Variants in UGT2A1 observed in about 807,000 individuals in gnomAD.
The protein encoded by UGT2A1 is UDP-glucuronosyltransferase 2A1.
In UGT2A1, 61 loss-of-function variants were observed where a neutral mutation model predicts 45.4. That is an observed-to-expected ratio of 1.34 (90% confidence interval 1.09 to 1.66). The LOEUF (loss-of-function observed/expected upper bound fraction) is 1.66. Ranked by LOEUF, UGT2A1 falls within the 40% of genes most tolerant of loss-of-function variation. The probability of loss-of-function intolerance (pLI) is 0.00; values close to 1 mark genes in which losing one functional copy is unlikely to be tolerated. For missense variants in UGT2A1, 649 were observed against 574.3 expected (o/e 1.13, Z -1.33); for synonymous variants, 229 against 196.2 (o/e 1.17, Z -1.40).
intron 3 of UGT2A1, among the ~76,000 whole-genome samples, chr4:69,615,276 A>T (rs554311890): frequency 6.6e-6 from 1 of 152,160 alleles, no homozygotes; most frequent in African/African-American, 2.4e-5. Context: ...TTAAAACCCG[A>T]AACTTTGAGG....
intron 2 of UGT2A1, among the ~76,000 whole-genome samples, chr4:69,646,079 C>T (rs1722245908): frequency 6.6e-6 from 1 of 151,800 alleles, no homozygotes; most frequent in African/African-American, 2.4e-5. Context: ...TCCATATTTA[C>T]ATAATTCACA....
At chr4:69,645,010 T>G (rs1722191882) in intron 2 of UGT2A1, among the ~76,000 whole-genome samples, 1 of 151,744 alleles carries the variant, frequency 6.6e-6, no homozygotes, top group Admixed American at 6.6e-5. Flanking sequence ...CGCAACCCAC[T>G]GTTTTACACA....
At chr4:69,653,068 T>C (rs1298053475) in intron 1 of UGT2A1, 120 bp downstream of exon 1, 1 of 152,186 alleles carries the variant, frequency 6.6e-6, no homozygotes, top group Non-Finnish European at 1.5e-5. Flanking sequence ...GGGTAAGCAA[T>C]GAAACAAACC....
chr4:69,608,534 T>C (rs1392437252), intron 3 of UGT2A1, among the ~76,000 whole-genome samples: 1 of 151,574 alleles, frequency 6.6e-6, no homozygotes, highest in South Asian at 2.1e-4. Context: ...CTGCACGTTG[T>C]GTACATGTAC....
chr4:69,638,542 G>A (rs371890211), intron 2 of UGT2A1, among the ~76,000 whole-genome samples: 9 of 152,046 alleles, frequency 5.9e-5, no homozygotes, highest in African/African-American at 2.2e-4. Flanking sequence ...AAGGAGGCAT[G>A]GTAAATCATG....
intron 3 of UGT2A1, among the ~76,000 whole-genome samples, chr4:69,628,683 G>T (rs886532218): frequency 2.1e-5 from 3 of 145,042 alleles, no homozygotes; most frequent in Admixed American, 7.1e-5. Context: ...TTAAATGGGA[G>T]AAAAAAATAA....
At chr4:69,639,314 A>G (rs1215300942) in intron 2 of UGT2A1, 1 of 1,613,726 alleles carries the variant, frequency 6.2e-7, no homozygotes, top group Non-Finnish European at 8.5e-7. Flanking sequence ...TTGTGAGAGG[A>G]GTTGGTCTAT....
In UGT2A1 at chr4:69,594,608, A is replaced by C. The variant is rs1462381312; in HGVS notation, c.1173T>G (p.Val391=). ...AIYHGVPMVG[V]PMFADQPDNI... ...TATCAGGCTGATCAGCAAACATGGG[A>C]ACTCCCACCATAGGGACTCCGTGGT... Residue 391 remains valine, a synonymous_variant, in exon 6 of 7, where the codon GTT becomes GTG. Coordinates refer to ENST00000286604, the MANE Select transcript of UGT2A1 (RefSeq NM_001252275.3). 1.2e-6 allele frequency: 2 copies of C among 1,613,994 alleles called. No homozygotes were observed. The highest frequency in any genetic ancestry group is 1.7e-6 in the Non-Finnish European group (2 of 1,180,042).
chr4:69,612,112 C>T (rs1397596249), intron 3 of UGT2A1, among the ~76,000 whole-genome samples: 1 of 151,988 alleles, frequency 6.6e-6, no homozygotes, highest in Non-Finnish European at 1.5e-5. Context: ...TCCCACAGAT[C>T]AAATTCCAAG....
chr4:69,599,623 G>T, intron 3 of UGT2A1: 1 of 475,464 alleles, frequency 2.1e-6, no homozygotes, highest in Non-Finnish European at 3.4e-6. Flanking sequence ...GAGGAAGGCA[G>T]GCAAGCAGGG....
intron 3 of UGT2A1, among the ~76,000 whole-genome samples, chr4:69,631,318 A>ATC (rs35582043): frequency 0.79 from 120,582 of 151,802 alleles, 48,029 homozygotes; most frequent in South Asian, 0.86. Context: ...CTTAATTTTT[A>ATC]TGTTTTTATT....
intron 6 of UGT2A1, among the ~76,000 whole-genome samples, chr4:69,593,590 C>T (rs968409112): frequency 2.6e-5 from 4 of 151,214 alleles, no homozygotes; most frequent in Non-Finnish European, 4.4e-5. Flanking sequence ...GCTATGTATA[C>T]ATAACTCAAT....
chr4:69,590,045 G>A (rs1718499877), intron 6 of UGT2A1, among the ~76,000 whole-genome samples: 1 of 152,192 alleles, frequency 6.6e-6, no homozygotes, highest in Non-Finnish European at 1.5e-5. Context: ...ATCCTCTAGT[G>A]TCTGGCTAGT....
chr4:69,605,529 T>A lies in UGT2A1; in HGVS notation c.848-6135A>T, dbSNP rs1054225724. ...TGAAAGAACTAGAGAAGCAAGAGCA[T>A]AACACATTCAAGACCTAGCAGAAGG... is the stretch of plus-strand genomic sequence containing the variant. On this transcript the variant is annotated intron_variant, in intron 3 of 6. Transcript: ENST00000286604. Among the ~76,000 whole-genome samples, 3 of 134,706 alleles carry A rather than the reference T, an allele frequency of 2.2e-5. 1 individual carries two copies. The South Asian group carries it at 7.3e-4, about 33-fold the overall frequency. 88.4% of individuals were successfully genotyped at this position (134,706 alleles called of 152,430 possible). A position where few individuals can be genotyped will look rare whatever the true frequency, so the allele number is the denominator to read the frequency against.
In UGT2A1 at chr4:69,594,577, C is replaced by A. The variant is rs761325918; in HGVS notation, c.1204G>T (p.Ala402Ser). The change falls in exon 6 of 7, where the codon GCT (alanine) becomes TCT (serine). Residue 402 changes from alanine (A) to serine (S), a missense_variant. By Grantham distance (99) the Ala-to-Ser change is moderately conservative. Coordinates refer to ENST00000286604, the MANE Select transcript of UGT2A1 (RefSeq NM_001252275.3). ...GCTGCTCCTTTGGCCTTCATGTGAG[C>A]AATGTTATCAGGCTGATCAGCAAAC... is the stretch of plus-strand genomic sequence containing the variant. ...PMFADQPDNI[A>S]HMKAKGAAVE... The A allele has an allele frequency of 6.2e-7, 1 of 1,614,100 alleles. No individual in the cohort carries two copies. The highest frequency in any genetic ancestry group is 8.5e-7 in the Non-Finnish European group (1 of 1,180,036).
At chr4:69,629,325 G>A (rs140293757) in intron 3 of UGT2A1, among the ~76,000 whole-genome samples, 6 of 152,080 alleles carry the variant, frequency 3.9e-5, no homozygotes, top group African/African-American at 7.2e-5. Flanking sequence ...TTCTCAACTT[G>A]TACATTCCCA....
rs117810106 is a variant in UGT2A1 at position 69,649,423 on chromosome 4, A to G, written c.-54-1725T>C. ...AATTGTCATGATTCACTAGGATGTC[A>G]TGATTCACTGATGTTATTTTCTTCT... On this transcript the variant is annotated intron_variant, in intron 1 of 6. Coordinates refer to ENST00000286604, the MANE Select transcript of UGT2A1 (RefSeq NM_001252275.3). Among the ~76,000 whole-genome samples the G allele has an allele frequency of 1.0e-3, 154 of 152,214 alleles. 1 individual carries two copies. The East Asian group carries it at 0.021, about 21-fold the overall frequency.
chr4:69,633,731 T>A (rs1577994660), intron 3 of UGT2A1, among the ~76,000 whole-genome samples: 1 of 152,130 alleles, frequency 6.6e-6, no homozygotes, highest in African/African-American at 2.4e-5. Context: ...TATATAACGT[T>A]TAAAGTCAAG....
intron 3 of UGT2A1, among the ~76,000 whole-genome samples, chr4:69,602,028 A>G (rs1279480793): frequency 7.3e-6 from 1 of 137,440 alleles, no homozygotes; most frequent in African/African-American, 2.9e-5. Flanking sequence ...TTAAAAGTCA[A>G]TCATACTCAA....
Sources: allele counts gnomAD v4.1 joint callset (sites outside exome capture counted in the v4.1 genomes callset), GRCh38; gene constraint gnomAD v4.1.1; transcripts MANE v1.5; gene names NCBI Gene and HGNC (gene_info 2026-07-23, HGNC 2026-07-21).